NDUFAF6: variants seen among roughly 807,000 people sequenced by gnomAD.
NDUFAF6 encodes the protein NADH:ubiquinone oxidoreductase complex assembly factor 6, also known as NADH dehydrogenase (ubiquinone) complex I, assembly factor 6.
A neutral mutation model predicts 40.8 loss-of-function variants in NDUFAF6; 45 were observed. The observed-to-expected ratio is 1.10, with a 90% confidence interval of 0.87 to 1.42. NDUFAF6 has a LOEUF of 1.42. NDUFAF6 is among the 40% of genes most tolerant of loss of function. NDUFAF6 has a pLI of 0.00. For synonymous variants in NDUFAF6, 185 were observed against 155.9 expected (o/e 1.19, Z -1.39); for missense variants, 435 against 418.5 (o/e 1.04, Z -0.34).
At chr8:95,024,595 C>A (rs1209065147), upstream of NDUFAF6, among the ~76,000 whole-genome samples, 2 of 152,264 alleles carry the variant, frequency 1.3e-5, no homozygotes, top group East Asian at 1.9e-4. Context: ...AGCGCTATTG[C>A]GCCCAAAGTG....
chr8:94,993,845 G>T (rs923132700), intron 2 of NDUFAF6, among the ~76,000 whole-genome samples: 8 of 152,188 alleles, frequency 5.3e-5, no homozygotes, highest in African/African-American at 1.7e-4. Context: ...ACACACAACA[G>T]TCATTGATAT....
chr8:94,920,774 G>A (rs1244382471), intron 1 of NDUFAF6, among the ~76,000 whole-genome samples: 1 of 152,208 alleles, frequency 6.6e-6, no homozygotes, highest in East Asian at 1.9e-4. Flanking sequence ...TGTGTTGCCA[G>A]CCATTCTCTA....
rs1245537863 is a variant in NDUFAF6 at position 95,006,351 on chromosome 8, G to A, written c.-84+25378G>A. ...GCCTAGGCGACAAGAGCAAGACTCC[G>A]TCTCAAAAAAAAAAAAAAAAAAAAA... is the stretch of plus-strand genomic sequence containing the variant. On this transcript the variant is annotated intron_variant, in intron 2 of 9. Transcript: ENST00000396111. Among the ~76,000 whole-genome samples, 21 of 45,060 alleles carry A rather than the reference G, an allele frequency of 4.7e-4. No individual in the cohort carries two copies. In the Admixed American group the frequency reaches 5.2e-3, roughly 11 times the overall value. The allele number at this position is 45,060 out of a possible 152,430, so 29.6% of individuals were successfully genotyped here. A position where few individuals can be genotyped will look rare whatever the true frequency, so the allele number is the denominator to read the frequency against.
At chr8:95,061,666 T>A (rs558096462), downstream of NDUFAF6, among the ~76,000 whole-genome samples, 22 of 152,314 alleles carry the variant, frequency 1.4e-4, no homozygotes, top group East Asian at 3.9e-3. Flanking sequence ...GTGATTAAAT[T>A]TATGGAACAA....
At chr8:94,996,044 C>T (rs750218171) in intron 2 of NDUFAF6, among the ~76,000 whole-genome samples, 1 of 152,188 alleles carries the variant, frequency 6.6e-6, no homozygotes, top group African/African-American at 2.4e-5. Context: ...TCCCAAAGTG[C>T]TCACAGGCGT....
intron 2 of NDUFAF6, among the ~76,000 whole-genome samples, chr8:95,082,544 T>G (rs1171717449): frequency 6.6e-6 from 1 of 151,070 alleles, no homozygotes; most frequent in South Asian, 2.1e-4. Flanking sequence ...ATAGTTTGGA[T>G]TTCCTGTTTT....
At chr8:95,117,416 G>C (rs1004818929), downstream of NDUFAF6, among the ~76,000 whole-genome samples, 2 of 152,150 alleles carry the variant, frequency 1.3e-5, no homozygotes, top group Non-Finnish European at 2.9e-5. Flanking sequence ...AAGCTCTCCA[G>C]GGATATTTAA....
intron 1 of NDUFAF6, among the ~76,000 whole-genome samples, chr8:94,964,175 C>T (rs1029214051): frequency 3.9e-5 from 6 of 152,052 alleles, no homozygotes; most frequent in African/African-American, 7.2e-5. Context: ...TGCCTGTAAT[C>T]GCAGCACTTT....
intron 1 of NDUFAF6, among the ~76,000 whole-genome samples, chr8:94,968,715 C>G (rs1274642654): frequency 6.6e-6 from 1 of 152,174 alleles, no homozygotes; most frequent in East Asian, 1.9e-4. Flanking sequence ...TTTTAAAAAT[C>G]TACGATGTGG....
At chr8:95,026,902 G>T (rs950295224) in intron 1 of NDUFAF6, among the ~76,000 whole-genome samples, 1 of 151,998 alleles carries the variant, frequency 6.6e-6, no homozygotes, top group Non-Finnish European at 1.5e-5. Context: ...AAAAAAATTA[G>T]CTGGGCTTGG....
chr8:94,910,046 T>A (rs1818673954), intron 1 of NDUFAF6, among the ~76,000 whole-genome samples: 1 of 151,984 alleles, frequency 6.6e-6, no homozygotes. Context: ...TTTTTTTCCT[T>A]CTCTCTTGTA....
intron 1 of NDUFAF6, among the ~76,000 whole-genome samples, chr8:94,914,900 C>A (rs1819026455): frequency 6.6e-6 from 1 of 151,568 alleles, no homozygotes; most frequent in Non-Finnish European, 1.5e-5. Flanking sequence ...TCAGAGCTTA[C>A]CATTTATGTT....
Position 95,047,085 on chromosome 8 carries a change from G to A in NDUFAF6, c.672G>A (p.Gly224=), listed in dbSNP as rs1444876354. The change falls in exon 6 of 9, where the codon GGG becomes GGA. Residue 224 remains glycine, a synonymous_variant. Coordinates refer to ENST00000396124, the MANE Select transcript of NDUFAF6 (RefSeq NM_152416.4). The part of the protein sequence containing the change: ...VTCLRATPYH[G]SRRKVFLPMD... ...GCTTGAGAGCAACACCATATCATGG[G>A]AGCAGAAGAAAGGTGTTCCTTCCCA... 3.7e-6 allele frequency: 6 copies of A among 1,614,174 alleles called. No individual in the cohort carries two copies. The South Asian group carries it at 6.6e-5, about 18-fold the overall frequency.
At chr8:94,955,301 C>G (rs560934501), upstream of NDUFAF6, among the ~76,000 whole-genome samples, 4 of 152,262 alleles carry the variant, frequency 2.6e-5, no homozygotes, top group South Asian at 6.2e-4. Context: ...AATCCAAGGT[C>G]GACAGACCCA....
At chr8:95,080,656 GT>G (rs1412536204), downstream of NDUFAF6, among the ~76,000 whole-genome samples, 12 of 151,328 alleles carry the variant, frequency 7.9e-5, no homozygotes, top group Admixed American at 5.3e-4. Context: ...TTTTGGTAGT[GT>G]ATTTTTGTAG....
downstream of NDUFAF6, among the ~76,000 whole-genome samples, chr8:95,079,210 G>T (rs1476045802): frequency 6.6e-6 from 1 of 152,150 alleles, no homozygotes; most frequent in African/African-American, 2.4e-5. Flanking sequence ...AACCTCAAGT[G>T]ATCCGCCCAC....
intron 1 of NDUFAF6, among the ~76,000 whole-genome samples, chr8:94,915,497 C>G (rs914110314): frequency 6.6e-6 from 1 of 152,152 alleles, no homozygotes; most frequent in Non-Finnish European, 1.5e-5. Context: ...TGATTCTATA[C>G]TTTTGCTGTT....
intron 1 of NDUFAF6, among the ~76,000 whole-genome samples, chr8:94,943,011 A>C (rs113078837): frequency 3.3e-5 from 5 of 152,236 alleles, no homozygotes; most frequent in African/African-American, 7.2e-5. Flanking sequence ...GGAAACAGGA[A>C]TGAATCCTGC....
At chr8:94,917,458 G>A (rs569722871) in intron 1 of NDUFAF6, among the ~76,000 whole-genome samples, 156 of 152,310 alleles carry the variant, frequency 1.0e-3, no homozygotes, top group South Asian at 1.7e-3. Flanking sequence ...AGAAATTAAT[G>A]TAAGTTCTGC....
Sources: allele counts gnomAD v4.1 joint callset (sites outside exome capture counted in the v4.1 genomes callset), GRCh38; gene constraint gnomAD v4.1.1; transcripts MANE v1.5; gene names NCBI Gene and HGNC (gene_info 2026-07-23, HGNC 2026-07-21).